Variants in COMMD7 observed in about 807,000 individuals in gnomAD.
COMMD7 encodes COMM domain-containing protein 7.
A neutral mutation model predicts 34.8 loss-of-function variants in COMMD7; 28 were observed. That is an observed-to-expected ratio of 0.80 (90% confidence interval 0.60 to 1.10). COMMD7 has a LOEUF of 1.10. Ranked by LOEUF, COMMD7 falls within the 50% of genes least tolerant of loss-of-function variation. COMMD7 has a pLI of 0.00. For synonymous variants in COMMD7, 80 were observed against 86.4 expected (o/e 0.93, Z 0.41); for missense variants, 211 against 241.6 (o/e 0.87, Z 0.84).
chr20:32,738,719 C>T (rs1487802289), intron 1 of COMMD7, among the ~76,000 whole-genome samples: 1 of 151,914 alleles, frequency 6.6e-6, no homozygotes, highest in Non-Finnish European at 1.5e-5. Context: ...CCTTGCCTGG[C>T]TTTCTGCATG....
At chr20:32,713,631 G>A (rs1270640486) in intron 3 of COMMD7, among the ~76,000 whole-genome samples, 2 of 152,208 alleles carry the variant, frequency 1.3e-5, no homozygotes, top group Non-Finnish European at 2.9e-5. Context: ...CACCCTGTGA[G>A]GCTCACAGAG....
At position 32,710,533 on chromosome 20, in the gene COMMD7, C is replaced by T. The variant is rs540074599; in HGVS notation, c.242-3773G>A. On this transcript the variant is annotated intron_variant, in intron 3 of 8. Transcript: ENST00000278980. ...GATACCTGAGCCCAGGGGTTCAAGA[C>T]CAGTCTGGGCAATACAGGGAGACCC... Among the ~76,000 whole-genome samples, 35 of 150,800 alleles carry T rather than the reference C, an allele frequency of 2.3e-4. No homozygotes were observed. The South Asian group carries it at 7.4e-3, about 32-fold the overall frequency.
At chr20:32,716,591 G>A (rs573040130) in intron 3 of COMMD7, among the ~76,000 whole-genome samples, 4 of 152,122 alleles carry the variant, frequency 2.6e-5, no homozygotes, top group African/African-American at 9.6e-5. Flanking sequence ...CTCCAGCCTG[G>A]GTGACAGAGT....
chr20:32,724,306 G>A (rs62206980), intron 3 of COMMD7, among the ~76,000 whole-genome samples: 3 of 21,658 alleles, frequency 1.4e-4, no homozygotes, highest in South Asian at 2.3e-3. Flanking sequence ...CGCCCCGTCC[G>A]GGAGGGAGGT....
rs114339474 is a variant in COMMD7 at position 32,709,455 on chromosome 20, G to C, written c.242-2695C>G. ...TTACAAAATTAGCCAGGAGGGTGAG[G>C]CAGGAGAATCATCTGAGCCTGGCAG... On this transcript the variant is annotated intron_variant, in intron 3 of 8. Coordinates refer to ENST00000278980, the MANE Select transcript of COMMD7 (RefSeq NM_053041.3). 3.0e-3 allele frequency among the ~76,000 whole-genome samples: 460 copies of C among 151,842 alleles called. 2 individuals are homozygous for C. Among genetic ancestry groups the C allele is most frequent in the African/African-American group, 0.011 (449 of 41,390 alleles).
intron 1 of COMMD7, among the ~76,000 whole-genome samples, chr20:32,731,317 C>G (rs901598376): frequency 5.3e-5 from 8 of 151,706 alleles, no homozygotes; most frequent in African/African-American, 1.9e-4. Context: ...GATCCTAGCT[C>G]AAAAAATAAA....
chr20:32,709,886 TTA>T, intron 3 of COMMD7, among the ~76,000 whole-genome samples: 1 of 151,692 alleles, frequency 6.6e-6, no homozygotes, highest in Non-Finnish European at 1.5e-5. Flanking sequence ...TTTTCTTTTT[TTA>T]CTTTTTTTTT....
At chr20:32,712,319 CA>C (rs917422840) in intron 3 of COMMD7, among the ~76,000 whole-genome samples, 10 of 133,792 alleles carry the variant, frequency 7.5e-5, no homozygotes, top group Non-Finnish European at 1.3e-4. Context: ...CCATCCTGGA[CA>C]ATGTAGTGAA....
chr20:32,721,993 G>A (rs77197265), intron 3 of COMMD7, among the ~76,000 whole-genome samples: 3,858 of 151,986 alleles, frequency 0.025, 68 homozygotes, highest in East Asian at 0.092. Flanking sequence ...CCCGGGAGGT[G>A]GAGGTTGCAG....
At chr20:32,707,232 C>T (rs1482119634) in intron 3 of COMMD7, among the ~76,000 whole-genome samples, 1 of 144,582 alleles carries the variant, frequency 6.9e-6, no homozygotes, top group Non-Finnish European at 1.5e-5. Flanking sequence ...TGCAGTGAGC[C>T]GAGATCACGC....
chr20:32,742,923 C>A (rs535176454), intron 1 of COMMD7, among the ~76,000 whole-genome samples: 4 of 152,168 alleles, frequency 2.6e-5, no homozygotes, highest in Non-Finnish European at 5.9e-5. Flanking sequence ...ACTCCCCACG[C>A]CCTTAGTCTG....
rs373223416 is a variant in COMMD7, at chr20:32,707,216, G to A, written c.242-456C>T. Among the ~76,000 whole-genome samples, 15 of 148,528 alleles carry A rather than the reference G, an allele frequency of 1.0e-4. No individual in the cohort carries two copies. The East Asian group carries it at 1.2e-3, about 12-fold the overall frequency. On this transcript the variant is annotated intron_variant, in intron 3 of 8. Coordinates refer to ENST00000278980, the MANE Select transcript of COMMD7 (RefSeq NM_053041.3). ...GGAGAATGGCGTGAACCCGGGAGGC[G>A]GAGCTTGCAGTGAGCCGAGATCACG...
In COMMD7 at chr20:32,706,769, C is replaced by G. The variant is rs1984109742; in HGVS notation, c.242-9G>C. 1.2e-6 allele frequency: 2 copies of G among 1,612,672 alleles called. No homozygotes were observed. The highest frequency in any genetic ancestry group is 1.1e-5 in the South Asian group (1 of 91,034). Reference sequence around the variant, plus strand: ...ACTCTTCTTCAAAGCACCTGGGAGGCAGGGGAGAAATCAGTTAGAAAGGCA... The same window carrying G: ...ACTCTTCTTCAAAGCACCTGGGAGGGAGGGGAGAAATCAGTTAGAAAGGCA... On this transcript the variant is annotated splice_polypyrimidine_tract_variant and intron_variant, in intron 3 of 8. Transcript: ENST00000278980.
Position 32,740,233 on chromosome 20 carries a change from C to T in COMMD7, c.84+3075G>A, listed in dbSNP as rs905287079. On this transcript the variant is annotated intron_variant, in intron 1 of 8. Coordinates refer to ENST00000278980, the MANE Select transcript of COMMD7 (RefSeq NM_053041.3). ...TTGGGAGGCTGAGGCAGGAAAATGGCGTGAACCCGGGAGGCGGAGCTTGCA... is the reference window on the plus strand; with the variant it reads ...TTGGGAGGCTGAGGCAGGAAAATGGTGTGAACCCGGGAGGCGGAGCTTGCA... 3.2e-4 allele frequency among the ~76,000 whole-genome samples: 48 copies of T among 148,070 alleles called. 6 individuals carry two copies. The highest frequency in any genetic ancestry group is 1.1e-3 in the African/African-American group (43 of 39,924).
Position 32,743,408 on chromosome 20 carries a change from C to A in COMMD7, c.-17G>T, listed in dbSNP as rs1009633183. 3.0e-6 allele frequency: 4 copies of A among 1,341,124 alleles called. No homozygotes were observed. Among genetic ancestry groups the A allele is most frequent in the Non-Finnish European group, 3.8e-6 (4 of 1,052,838 alleles). 83.1% of individuals were successfully genotyped at this position (1,341,124 alleles called of 1,614,324 possible). On this transcript the variant is annotated 5_prime_UTR_variant, in exon 1 of 9. Transcript: ENST00000278980. ...GCGGCCCATGGCGCGCGCCCCAGCC[C>A]CGCAGGTTCCACCGCCGCCGCCGCC...
intron 3 of COMMD7, among the ~76,000 whole-genome samples, chr20:32,718,716 A>C (rs1984966684): frequency 6.6e-6 from 1 of 152,108 alleles, no homozygotes; most frequent in South Asian, 2.1e-4. Context: ...TACATTAATA[A>C]AATAAAATAA....
Position 32,743,318 on chromosome 20 carries a change from A to T in COMMD7, c.74T>A (p.Leu25Gln). The T allele has an allele frequency of 7.8e-7, 1 of 1,288,634 alleles. No homozygotes were observed. Among genetic ancestry groups the T allele is most frequent in the Non-Finnish European group, 1.0e-6 (1 of 1,004,592 alleles). 79.8% of individuals were successfully genotyped at this position (1,288,634 alleles called of 1,614,324 possible). A position where few individuals can be genotyped will look rare whatever the true frequency, so the allele number is the denominator to read the frequency against. ...VGGDMQQLNQ[L>Q]GAQQFSALTE... is the part of the protein sequence containing the mutation. ...CGCCGCCGGGCCCACCTGCGCGCCC[A>T]GCTGGTTCAGCTGCTGCATGTCGCC... Residue 25 changes from leucine to glutamine, a missense_variant, in exon 1 of 9, where the codon CTG becomes CAG. Transcript: ENST00000278980.
At chr20:32,717,484 C>T (rs1984869128) in intron 3 of COMMD7, among the ~76,000 whole-genome samples, 1 of 152,078 alleles carries the variant, frequency 6.6e-6, no homozygotes. Flanking sequence ...TGCCACCACG[C>T]CCAGTTCATT....
At chr20:32,714,680 C>T (rs762904318) in intron 3 of COMMD7, among the ~76,000 whole-genome samples, 2 of 152,022 alleles carry the variant, frequency 1.3e-5, no homozygotes, top group East Asian at 1.9e-4. Flanking sequence ...AAAAATTAGC[C>T]GGGCACGGTG....
Sources: gnomAD v4.1 joint callset for allele counts (sites outside exome capture counted in the v4.1 genomes callset) on GRCh38, gnomAD v4.1.1 for gene constraint, MANE v1.5 for transcripts, NCBI Gene and HGNC (gene_info 2026-07-23, HGNC 2026-07-21) for gene names.